The following MOCOS variants were observed in gnomAD, a reference collection of about 807,000 sequenced individuals.
MOCOS encodes the protein molybdenum cofactor sulfurase.
MOCOS carries 86 observed loss-of-function variants against 83.6 expected under a neutral mutation model. The ratio of observed to expected loss-of-function variants is 1.03; its 90% CI spans 0.86 to 1.23. The LOEUF (loss-of-function observed/expected upper bound fraction) is 1.23, where lower values mean the gene tolerates loss of function less well. Ranked by LOEUF, MOCOS falls within the 50% of genes most tolerant of loss-of-function variation. The pLI, the probability that MOCOS is intolerant of heterozygous loss-of-function variation, is 0.00. For synonymous variants in MOCOS, 445 were observed against 434.7 expected (o/e 1.02, Z -0.29); for missense variants, 1,120 against 1,126.9 (o/e 0.99, Z 0.09).
chr18:36,215,782 T>G lies in MOCOS; in HGVS notation c.1602T>G (p.Asp534Glu). Residue 534 changes from aspartate to glutamate, a missense_variant, in exon 8 of 15, where the codon GAT becomes GAG. Coordinates refer to ENST00000261326, the MANE Select transcript of MOCOS (RefSeq NM_017947.4). Reference protein sequence around the residue: ...MGRRSLSPQEDALTGSRVWNN... With the variant: ...MGRRSLSPQEEALTGSRVWNN... ...GACGTAGCCTCTCGCCTCAGGAAGA[T>G]GCCCTCACAGGCTCCAGGGTTTGGA... 1 of 1,614,216 alleles carries G rather than the reference T, an allele frequency of 6.2e-7. No individual in the cohort carries two copies. Among genetic ancestry groups the G allele is most frequent in the Non-Finnish European group, 8.5e-7 (1 of 1,180,040 alleles).
At chr18:36,224,897 C>G (rs1386281877) in intron 9 of MOCOS, among the ~76,000 whole-genome samples, 1 of 152,038 alleles carries the variant, frequency 6.6e-6, no homozygotes, top group Admixed American at 6.5e-5. Context: ...GTAGGCTTTT[C>G]TTTGTTGAGA....
intron 11 of MOCOS, 148 bp downstream of exon 11, chr18:36,251,431 A>G: frequency 1.8e-6 from 2 of 1,117,594 alleles, no homozygotes; most frequent in Non-Finnish European, 2.6e-6. Flanking sequence ...CTACTGCAGT[A>G]GCCCCAGGTC....
In MOCOS at chr18:36,269,364, C is replaced by G. The variant is rs141017168; in HGVS notation, c.*679C>G. 1 of 153,098 alleles carries G rather than the reference C, an allele frequency of 6.5e-6. No individual in the cohort carries two copies. The highest frequency in any genetic ancestry group is 1.5e-5 in the Non-Finnish European group (1 of 68,654). 9.5% of individuals were successfully genotyped at this position (153,098 alleles called of 1,614,324 possible). A position where few individuals can be genotyped will look rare whatever the true frequency, so the allele number is the denominator to read the frequency against. On this transcript the variant is annotated 3_prime_UTR_variant, in exon 15 of 15. Transcript: ENST00000261326. The stretch of plus-strand genomic sequence containing the variant: ...AGCCTGAAGTTACACTCAGTGATGG[C>G]TGTGCTTATGCAGGTTGTCATCCTC...
intron 6 of MOCOS, among the ~76,000 whole-genome samples, chr18:36,209,959 C>T (rs1365869999): frequency 6.6e-6 from 1 of 152,158 alleles, no homozygotes; most frequent in Non-Finnish European, 1.5e-5. Context: ...CCACCTTGGC[C>T]TCCCAAGGTG....
intron 9 of MOCOS, among the ~76,000 whole-genome samples, chr18:36,237,042 T>C (rs1437538803): frequency 1.3e-5 from 2 of 149,402 alleles, no homozygotes; most frequent in Non-Finnish European, 3.0e-5. Flanking sequence ...GCTGAGACAA[T>C]GGGGTTTTCT....
intron 8 of MOCOS, among the ~76,000 whole-genome samples, chr18:36,218,656 A>C (rs1027742739): frequency 6.6e-6 from 1 of 152,000 alleles, no homozygotes; most frequent in African/African-American, 2.4e-5. Flanking sequence ...CTGAGACTAC[A>C]GGCATACACC....
chr18:36,248,529 G>A (rs1450304844), intron 9 of MOCOS, among the ~76,000 whole-genome samples: 5 of 152,198 alleles, frequency 3.3e-5, no homozygotes, highest in South Asian at 2.1e-4. Flanking sequence ...CCAATGTCTT[G>A]AAGCAGTTCC....
Position 36,260,096 on chromosome 18 carries a change from C to G in MOCOS, c.2330C>G (p.Ala777Gly). 1.2e-6 allele frequency: 2 copies of G among 1,614,034 alleles called. No individual in the cohort carries two copies. The highest frequency in any genetic ancestry group is 1.7e-6 in the Non-Finnish European group (2 of 1,180,002). ...AAGGATCTCAGCTTGCGTTTTCGTG[C>G]CAATATTATTATCAATGGAAAAAGG... is the stretch of plus-strand genomic sequence containing the variant. ...SLKDLSLRFR[A>G]NIIINGKRAF... The change falls in exon 13 of 15, where the codon GCC becomes GGC. Residue 777 changes from alanine (A) to glycine (G), a missense_variant. Ala to Gly is a moderately conservative substitution (Grantham distance 60). Transcript: ENST00000261326.
rs761184442 is a variant in MOCOS, at chr18:36,260,039, A to T, written c.2273A>T (p.Asp758Val). ...LELHRQLNTS[D>V]ENGKEELFSL... The stretch of plus-strand genomic sequence containing the variant: ...CTCTTTTTGGTTGCTTTAATCAGTG[A>T]TGAGAATGGAAAGGAGGAATTATTC... Residue 758 changes from aspartate to valine, a missense_variant and splice_region_variant, in exon 13 of 15, where the codon GAT becomes GTT. Transcript: ENST00000261326. 2 of 1,614,206 alleles carry T rather than the reference A, an allele frequency of 1.2e-6. No homozygotes were observed. The highest frequency in any genetic ancestry group is 1.7e-6 in the Non-Finnish European group (2 of 1,180,032).
At chr18:36,233,579 T>G (rs2091546732) in intron 9 of MOCOS, among the ~76,000 whole-genome samples, 1 of 152,224 alleles carries the variant, frequency 6.6e-6, no homozygotes, top group South Asian at 2.1e-4. Flanking sequence ...GATCAAATTG[T>G]GGTTCTACTT....
chr18:36,204,051 T>G (rs982037783), intron 5 of MOCOS, among the ~76,000 whole-genome samples: 1 of 152,204 alleles, frequency 6.6e-6, no homozygotes, highest in Non-Finnish European at 1.5e-5. Flanking sequence ...TGTTCCTTTT[T>G]TAAAAAATAA....
chr18:36,200,630 C>T (rs1220776434), intron 4 of MOCOS, among the ~76,000 whole-genome samples: 3 of 152,212 alleles, frequency 2.0e-5, no homozygotes, highest in African/African-American at 7.2e-5. Flanking sequence ...GGAGGGTGAG[C>T]TACCAGGCCT....
At chr18:36,211,539 T>C (rs1441271887) in intron 6 of MOCOS, among the ~76,000 whole-genome samples, 1 of 152,090 alleles carries the variant, frequency 6.6e-6, no homozygotes, top group Non-Finnish European at 1.5e-5. Context: ...GCTCCCGGGC[T>C]GGGAGCCTCC....
intron 11 of MOCOS, 108 bp downstream of exon 11, chr18:36,251,391 A>AACCTACTTT: frequency 7.0e-7 from 1 of 1,433,738 alleles, no homozygotes; most frequent in Non-Finnish European, 9.7e-7. Context: ...GATGTATGGA[A>AACCTACTTT]AGCAGGGGTC....
intron 9 of MOCOS, among the ~76,000 whole-genome samples, chr18:36,230,148 T>A (rs1311764062): frequency 6.6e-6 from 1 of 152,190 alleles, no homozygotes; most frequent in East Asian, 1.9e-4. Flanking sequence ...AGTGGCACGA[T>A]CTCGGCTTAC....
At chr18:36,222,362 G>C (rs983347662) in intron 9 of MOCOS, among the ~76,000 whole-genome samples, 4 of 152,012 alleles carry the variant, frequency 2.6e-5, no homozygotes, top group Non-Finnish European at 5.9e-5. Context: ...GGTTGCAAGG[G>C]CTCAAGTTTT....
At chr18:36,248,440 T>A (rs2091610410) in intron 9 of MOCOS, among the ~76,000 whole-genome samples, 1 of 152,242 alleles carries the variant, frequency 6.6e-6, no homozygotes, top group African/African-American at 2.4e-5. Context: ...AGCTTTTTAG[T>A]TTGCTATAAT....
intron 9 of MOCOS, among the ~76,000 whole-genome samples, chr18:36,241,299 G>A (rs1174203180): frequency 6.6e-6 from 1 of 152,142 alleles, no homozygotes; most frequent in Non-Finnish European, 1.5e-5. Flanking sequence ...AAGATATAAT[G>A]GGGTACAATA....
At chr18:36,206,348 G>A (rs755929338) in intron 6 of MOCOS, among the ~76,000 whole-genome samples, 5 of 140,976 alleles carry the variant, frequency 3.5e-5, no homozygotes, top group Non-Finnish European at 4.5e-5. Context: ...TTGGGTTCAA[G>A]TGATTCTCTC....
Sources: allele counts gnomAD v4.1 joint callset (sites outside exome capture counted in the v4.1 genomes callset), GRCh38; gene constraint gnomAD v4.1.1; transcripts MANE v1.5; gene names NCBI Gene and HGNC (gene_info 2026-07-23, HGNC 2026-07-21).